MICALL1: variants seen among roughly 807,000 people sequenced by gnomAD.
MICALL1 encodes the protein MICAL-like protein 1.
In MICALL1, 61 loss-of-function variants were observed where a neutral mutation model predicts 83.7. The observed-to-expected ratio is 0.73, with a 90% CI of 0.59 to 0.90. The LOEUF (loss-of-function observed/expected upper bound fraction) is 0.90. Ranked by LOEUF, MICALL1 falls within the 40% of genes least tolerant of loss-of-function variation. The pLI, the probability that MICALL1 is intolerant of heterozygous loss-of-function variation, is 0.00. For synonymous variants in MICALL1, 481 were observed against 473.6 expected, an observed-to-expected ratio of 1.02 and a Z score of -0.20; for missense variants, 1,066 against 1,152.0, an observed-to-expected ratio of 0.93 and a Z score of 1.08.
chr22:37,937,239 A>G, intron 14 of MICALL1, 45 bp downstream of exon 14: 2 of 1,244,150 alleles, frequency 1.6e-6, no homozygotes, highest in Non-Finnish European at 2.3e-6. Flanking sequence ...GGGCCAGAGC[A>G]GGTCAGGCTC....
intron 3 of MICALL1, among the ~76,000 whole-genome samples, chr22:37,914,659 A>G (rs904743460): frequency 4.6e-5 from 7 of 151,738 alleles, no homozygotes; most frequent in South Asian, 4.1e-4. Context: ...TTTTTGAGAC[A>G]GGGTTTTACT....
At position 37,924,827 on chromosome 22, in the gene MICALL1, G is replaced by A. The variant is rs369997412; in HGVS notation, c.1082+110G>A. ...GCTTCCTGTGGATGGGCAGGGCGGG[G>A]CTCAGGAGGGGAAGGAGAGCTGGGC... On this transcript the variant is annotated intron_variant, in intron 7 of 15. Transcript: ENST00000215957. This position sits in a 1 kb window ranked among gnomAD's most constrained non-coding sequence, Gnocchi z 5.2. The A allele has an allele frequency of 1.6e-4, 173 of 1,077,402 alleles. 1 individual carries two copies. The South Asian group carries it at 2.4e-3, about 15-fold the overall frequency. 66.7% of individuals were successfully genotyped at this position (1,077,402 alleles called of 1,614,324 possible).
In MICALL1 at chr22:37,932,536, C is replaced by A; in HGVS notation, c.2017-17C>A. 6.2e-7 allele frequency: 1 copy of A among 1,613,098 alleles called. No homozygotes were observed. Among genetic ancestry groups the A allele is most frequent in the Non-Finnish European group, 8.5e-7 (1 of 1,179,344 alleles). ...GCAACCAGGCAGGCCGTCAGGTGAC[C>A]AGGCACTGTTGGGCAGGTCCAGGCT... is the stretch of plus-strand genomic sequence containing the variant. On this transcript the variant is annotated splice_polypyrimidine_tract_variant and intron_variant, in intron 10 of 15. Transcript: ENST00000215957. This position sits in a 1 kb window ranked among gnomAD's most constrained non-coding sequence, Gnocchi z 4.4.
At chr22:37,908,175 G>A (rs118102411) in intron 1 of MICALL1, among the ~76,000 whole-genome samples, 1,138 of 152,154 alleles carry the variant, frequency 7.5e-3, no homozygotes, top group Non-Finnish European at 0.013. Flanking sequence ...AGGCATCAGT[G>A]TCCTCATCTG....
At chr22:37,937,661 T>G in intron 14 of MICALL1, 85 bp from the exon 15 acceptor site, 1 of 1,412,316 alleles carries the variant, frequency 7.1e-7, no homozygotes, top group Non-Finnish European at 9.9e-7. Flanking sequence ...TGACTTCAGG[T>G]GATCCACCCA....
chr22:37,942,297 A>G lies in MICALL1; in HGVS notation c.*1467A>G, dbSNP rs1930474047. 6.6e-6 allele frequency: 1 copy of G among 152,202 alleles called. No homozygotes were observed. Among genetic ancestry groups the G allele is most frequent in the Non-Finnish European group, 1.5e-5 (1 of 68,060 alleles). 9.4% of individuals were successfully genotyped at this position (152,202 alleles called of 1,614,324 possible). ...TTCCAGGGCCAGACAGGTAACACGC[A>G]TGAACCCGAGTGACAGCTCTGACGG... On this transcript the variant is annotated 3_prime_UTR_variant, in exon 16 of 16. Transcript: ENST00000215957.
intron 5 of MICALL1, among the ~76,000 whole-genome samples, chr22:37,919,652 A>T (rs1928901176): frequency 6.7e-6 from 1 of 150,182 alleles, no homozygotes; most frequent in East Asian, 2.0e-4. Flanking sequence ...AAAAAAAAAA[A>T]AAAGGCCATT....
At position 37,935,563 on chromosome 22, in the gene MICALL1, A is replaced by AT. The variant is rs557428742; in HGVS notation, c.2309-1510dup. ...CGTGAGCCACCGCACCCGGCCTATTATTTTTTTGAGATGGAGTGTCACTGT... is the reference window on the plus strand; with the variant it reads ...CGTGAGCCACCGCACCCGGCCTATTATTTTTTTTGAGATGGAGTGTCACTGT... On this transcript the variant is annotated intron_variant, in intron 13 of 15. Coordinates refer to ENST00000215957, the MANE Select transcript of MICALL1 (RefSeq NM_033386.4). 3.6e-3 allele frequency among the ~76,000 whole-genome samples: 544 copies of AT among 151,328 alleles called. 2 individuals carry two copies. The highest frequency in any genetic ancestry group is 6.9e-3 in the Middle Eastern group (2 of 288).
intron 15 of MICALL1, among the ~76,000 whole-genome samples, 183 bp from the exon 16 acceptor site, chr22:37,940,526 T>C (rs1464961604): frequency 6.6e-6 from 1 of 152,018 alleles, no homozygotes; most frequent in Non-Finnish European, 1.5e-5. Context: ...GGCCCCATCC[T>C]CTAGGTGAAG....
intron 1 of MICALL1, 125 bp from the exon 2 acceptor site, chr22:37,911,827 C>T: frequency 1.1e-6 from 1 of 903,052 alleles, no homozygotes; most frequent in Non-Finnish European, 1.8e-6. Context: ...CCCCAGCAAC[C>T]CTGCTGAGGT....
At position 37,930,901 on chromosome 22, in the gene MICALL1, G is replaced by A. The variant is rs1359482775; in HGVS notation, c.1882-898G>A. 2.0e-5 allele frequency among the ~76,000 whole-genome samples: 3 copies of A among 152,210 alleles called. No homozygotes were observed. Among genetic ancestry groups the A allele is most frequent in the Admixed American group, 1.3e-4 (2 of 15,284 alleles). On this transcript the variant is annotated intron_variant, in intron 9 of 15. Transcript: ENST00000215957. The surrounding 1 kb of genome is among the most constrained non-coding windows in gnomAD (Gnocchi z 4.8). Reference sequence around the variant, plus strand: ...CTCTCTGAGCCTCAGAGTCCCCAGCGGGGAGAGGGTGGTTATGAGGCCTGA... The same window carrying A: ...CTCTCTGAGCCTCAGAGTCCCCAGCAGGGAGAGGGTGGTTATGAGGCCTGA...
chr22:37,917,028 T>C (rs567173116), intron 3 of MICALL1, among the ~76,000 whole-genome samples: 1 of 152,134 alleles, frequency 6.6e-6, no homozygotes, highest in Non-Finnish European at 1.5e-5. Flanking sequence ...CGCACCACCA[T>C]GTCCAGCTGA....
intron 5 of MICALL1, among the ~76,000 whole-genome samples, chr22:37,920,830 G>A (rs1024301374): frequency 6.6e-6 from 1 of 152,082 alleles, no homozygotes; most frequent in Non-Finnish European, 1.5e-5. Flanking sequence ...GGAGGCTGAG[G>A]CAGGAGAATG....
In MICALL1 at chr22:37,940,885, G is replaced by A; in HGVS notation, c.*55G>A. On this transcript the variant is annotated 3_prime_UTR_variant, in exon 16 of 16. Coordinates refer to ENST00000215957, the MANE Select transcript of MICALL1 (RefSeq NM_033386.4). ...CCTCCTGGAGCAGCTCCTGGGCTGT[G>A]CTCTGTTTGAAGGGGGCGCCCTGCT... 1 of 1,606,360 alleles carries A rather than the reference G, an allele frequency of 6.2e-7. No homozygotes were observed. The highest frequency in any genetic ancestry group is 8.5e-7 in the Non-Finnish European group (1 of 1,175,674).
chr22:37,935,408 C>T (rs1427764935), intron 13 of MICALL1, among the ~76,000 whole-genome samples: 1 of 150,888 alleles, frequency 6.6e-6, no homozygotes, highest in African/African-American at 2.4e-5. Context: ...CTACAGGCGC[C>T]CGCCACCACA....
intron 1 of MICALL1, among the ~76,000 whole-genome samples, chr22:37,907,673 G>C (rs1310371876): frequency 6.6e-6 from 1 of 152,220 alleles, no homozygotes; most frequent in Non-Finnish European, 1.5e-5. Flanking sequence ...GCTTCTAAGG[G>C]ATTGCCTCAG....
intron 2 of MICALL1, 136 bp downstream of exon 2, chr22:37,912,136 C>A (rs1178954203): frequency 3.4e-6 from 4 of 1,163,382 alleles, no homozygotes; most frequent in Non-Finnish European, 3.8e-6. Flanking sequence ...CTTTCCCCAC[C>A]CTCTGCTTCC....
intron 3 of MICALL1, among the ~76,000 whole-genome samples, chr22:37,917,410 G>T (rs549213751): frequency 1.6e-4 from 24 of 152,320 alleles, no homozygotes; most frequent in African/African-American, 5.1e-4. Context: ...GCCACACGCG[G>T]GTGCTGTGTT....
At chr22:37,917,816 G>A in intron 4 of MICALL1, 21 bp downstream of exon 4, 4 of 1,610,144 alleles carry the variant, frequency 2.5e-6, no homozygotes, top group Non-Finnish European at 3.4e-6. Context: ...ACCTGGAGAG[G>A]TGGGAGGGCC....
Sources: allele counts gnomAD v4.1 joint callset (sites outside exome capture counted in the v4.1 genomes callset), GRCh38; gene constraint gnomAD v4.1.1; non-coding constraint Gnocchi (gnomAD v3.1); transcripts MANE v1.5; gene names NCBI Gene and HGNC (gene_info 2026-07-23, HGNC 2026-07-21).